EYS: variants seen among roughly 807,000 people sequenced by gnomAD.
The protein encoded by EYS is EGF-like photoreceptor maintenance factor.
Under a neutral mutation model 282.1 loss-of-function variants are expected in EYS, and 250 were observed. The ratio of observed to expected loss-of-function variants is 0.89; its 90% CI spans 0.80 to 0.98. EYS has a LOEUF of 0.98. Among genes scored for constraint, EYS ranks in the 50% least tolerant of loss-of-function variants. The probability of loss-of-function intolerance (pLI) is 0.00; values close to 1 mark genes in which losing one functional copy is unlikely to be tolerated. For synonymous variants in EYS, 1,355 were observed against 1,282.9 expected (o/e 1.06, Z -1.20); for missense variants, 4,016 against 3,709.0 (o/e 1.08, Z -2.15).
chr6:65,607,654 ATAAT>A (rs1765847134), intron 2 of EYS, among the ~76,000 whole-genome samples: 1 of 126,506 alleles, frequency 7.9e-6, no homozygotes, highest in South Asian at 2.2e-4. Context: ...GTTATCTGAG[ATAAT>A]TAATGTTTTA....
chr6:64,086,950 A>G (rs1419677120), intron 31 of EYS, among the ~76,000 whole-genome samples: 2 of 152,148 alleles, frequency 1.3e-5, no homozygotes, highest in Non-Finnish European at 2.9e-5. Flanking sequence ...ACATGCATCA[A>G]CTTTTAATGA....
intron 2 of EYS, among the ~76,000 whole-genome samples, chr6:65,561,501 ATTG>A (rs1769056835): frequency 6.6e-6 from 1 of 151,932 alleles, no homozygotes; most frequent in Non-Finnish European, 1.5e-5. Flanking sequence ...TGTTGACCTA[ATTG>A]TTCACTCCCA....
chr6:65,547,593 G>T (rs560176740), intron 2 of EYS, among the ~76,000 whole-genome samples: 2 of 151,842 alleles, frequency 1.3e-5, no homozygotes, highest in Non-Finnish European at 2.9e-5. Context: ...ATTGGATTTT[G>T]TATTATCTAA....
At chr6:64,136,646 A>G (rs1774170466) in intron 31 of EYS, among the ~76,000 whole-genome samples, 1 of 152,282 alleles carries the variant, frequency 6.6e-6, no homozygotes, top group African/African-American at 2.4e-5. Flanking sequence ...CTCTTGGATG[A>G]CCAGACACAT....
chr6:64,377,107 G>GATAGATAGATGGATA (rs1772585610), intron 29 of EYS, among the ~76,000 whole-genome samples: 6 of 143,226 alleles, frequency 4.2e-5, no homozygotes, highest in African/African-American at 1.8e-4. Context: ...ATAGATAGAT[G>GATAGATAGATGGATA]GATAGATAGA....
intron 19 of EYS, among the ~76,000 whole-genome samples, chr6:64,848,463 A>G (rs889345494): frequency 3.3e-5 from 5 of 152,086 alleles, no homozygotes; most frequent in African/African-American, 1.2e-4. Flanking sequence ...GAAAAGCAAG[A>G]GGCACTTCTG....
intron 26 of EYS, among the ~76,000 whole-genome samples, chr6:64,585,016 T>A (rs933794208): frequency 1.3e-5 from 2 of 152,152 alleles, no homozygotes; most frequent in African/African-American, 4.8e-5. Flanking sequence ...AAAAGACACA[T>A]ACATTTGCAT....
chr6:65,329,318 T>A, intron 11 of EYS: 1 of 823,978 alleles, frequency 1.2e-6, no homozygotes, highest in Non-Finnish European at 1.5e-6. Context: ...TTATAATAAT[T>A]TTGGTATGTG....
chr6:64,654,431 G>A (rs1339598034), intron 22 of EYS, among the ~76,000 whole-genome samples: 1 of 152,122 alleles, frequency 6.6e-6, no homozygotes, highest in African/African-American at 2.4e-5. Context: ...AAAATGTATG[G>A]TTAGTCTTAT....
chr6:64,050,040 TA>T (rs1194095366), intron 33 of EYS, among the ~76,000 whole-genome samples: 4 of 152,110 alleles, frequency 2.6e-5, no homozygotes, highest in Admixed American at 6.6e-5. Context: ...GACATCTTAT[TA>T]GGGGAAAGAA....
intron 5 of EYS, among the ~76,000 whole-genome samples, chr6:65,436,250 G>T (rs1019132478): frequency 1.3e-5 from 2 of 152,112 alleles, no homozygotes; most frequent in Admixed American, 1.3e-4. Flanking sequence ...TTAAATGCCA[G>T]AGCATTTGGA....
At chr6:65,546,059 A>G (rs972711) in intron 2 of EYS, among the ~76,000 whole-genome samples, 112,180 of 150,418 alleles carry the variant, frequency 0.75, 42,643 homozygotes, top group African/African-American at 0.89. Flanking sequence ...TGGATCTGTC[A>G]CCCAGGCTGG....
At chr6:65,117,698 T>G (rs1775415789) in intron 12 of EYS, among the ~76,000 whole-genome samples, 1 of 152,170 alleles carries the variant, frequency 6.6e-6, no homozygotes, top group Admixed American at 6.5e-5. Flanking sequence ...AAGAACTGCA[T>G]GTTTAGGTTA....
intron 12 of EYS, among the ~76,000 whole-genome samples, chr6:65,117,389 A>T (rs149685287): frequency 1.6e-4 from 24 of 152,324 alleles, no homozygotes; most frequent in African/African-American, 5.8e-4. Flanking sequence ...ATAGACATAA[A>T]GGGAACCAGA....
chr6:65,370,515 T>C (rs973207703), intron 8 of EYS, among the ~76,000 whole-genome samples: 4 of 151,750 alleles, frequency 2.6e-5, no homozygotes, highest in Admixed American at 6.7e-5. Flanking sequence ...TCAGTCTCTT[T>C]GTTAGTTTGG....
At chr6:64,818,405 C>T (rs72648374) in intron 21 of EYS, among the ~76,000 whole-genome samples, 16 of 151,924 alleles carry the variant, frequency 1.1e-4, no homozygotes, top group African/African-American at 3.6e-4. Context: ...AGAAACAGGA[C>T]GAATAGGATA....
intron 29 of EYS, among the ~76,000 whole-genome samples, chr6:64,345,869 A>C (rs1771366779): frequency 6.6e-6 from 1 of 152,038 alleles, no homozygotes; most frequent in Non-Finnish European, 1.5e-5. Context: ...AAAATAAAAA[A>C]CCCTATCAAA....
intron 35 of EYS, among the ~76,000 whole-genome samples, chr6:63,908,008 A>T (rs1773819190): frequency 4.2e-5 from 1 of 23,624 alleles, no homozygotes; most frequent in African/African-American, 2.0e-4. Context: ...ACACACACAC[A>T]AACGTATATA....
intron 26 of EYS, among the ~76,000 whole-genome samples, chr6:64,549,877 C>G (rs1765013376): frequency 6.6e-6 from 1 of 151,642 alleles, no homozygotes; most frequent in Non-Finnish European, 1.5e-5. Context: ...CTAATGCTAT[C>G]CCTCCCTCCT....
Sources: allele counts gnomAD v4.1 joint callset (sites outside exome capture counted in the v4.1 genomes callset), GRCh38; gene constraint gnomAD v4.1.1; transcripts MANE v1.5; gene names NCBI Gene and HGNC (gene_info 2026-07-23, HGNC 2026-07-21).